The following IL17RD variants were observed in gnomAD, a reference collection of about 807,000 sequenced individuals.
The protein encoded by IL17RD is interleukin-17 receptor D.
Under a neutral mutation model 80.5 loss-of-function variants are expected in IL17RD, and 52 were observed. The observed-to-expected ratio is 0.65, with a 90% CI of 0.52 to 0.81. The LOEUF (loss-of-function observed/expected upper bound fraction) is 0.81, where lower values mean the gene tolerates loss of function less well. Ranked by LOEUF, IL17RD falls within the 40% of genes least tolerant of loss-of-function variation. The pLI, the probability that IL17RD is intolerant of heterozygous loss-of-function variation, is 0.00. For missense variants in IL17RD, 1,024 were observed against 955.1 expected, an observed-to-expected ratio of 1.07 and a Z score of -0.95; for synonymous variants, 416 against 391.8, an observed-to-expected ratio of 1.06 and a Z score of -0.73.
chr3:57,140,635 A>G (rs1215876180), intron 1 of IL17RD, among the ~76,000 whole-genome samples: 1 of 152,186 alleles, frequency 6.6e-6, no homozygotes, highest in Non-Finnish European at 1.5e-5. Context: ...TTAGTGGGTC[A>G]GTTTTGGCAT....
intron 1 of IL17RD, among the ~76,000 whole-genome samples, chr3:57,149,679 G>A (rs2107534969): frequency 6.6e-6 from 1 of 152,340 alleles, no homozygotes; most frequent in South Asian, 2.1e-4. Flanking sequence ...GTGGTTGATG[G>A]TTACTGAATT....
chr3:57,096,462 A>C lies in IL17RD; in HGVS notation c.2151T>G (p.Ser717=), dbSNP rs1417935559. Residue 717 remains serine, a synonymous_variant, in exon 13 of 13, where the codon TCT becomes TCG. Transcript: ENST00000296318. ...AACCAAGATCTGCTTTGCATGACCC[A>C]GAAGAGAGGAGCTTGGAAGGAAGGG... is the stretch of plus-strand genomic sequence containing the variant. ...PPALPSKLLS[S]GSCKADLGCR... 2.5e-6 allele frequency: 4 copies of C among 1,613,992 alleles called. No homozygotes were observed. In the Admixed American group the frequency reaches 6.7e-5, roughly 27 times the overall value.
chr3:57,106,935 C>G (rs35620988), intron 5 of IL17RD, among the ~76,000 whole-genome samples: 1 of 152,098 alleles, frequency 6.6e-6, no homozygotes, highest in African/African-American at 2.4e-5. Flanking sequence ...TCTATGCCAA[C>G]GGGAAAAATT....
upstream of IL17RD, among the ~76,000 whole-genome samples, chr3:57,165,581 C>CT (rs1188457585): frequency 2.0e-5 from 3 of 150,420 alleles, no homozygotes; most frequent in Non-Finnish European, 4.4e-5. Flanking sequence ...CTTAGTAGAT[C>CT]TTTTTTTAAT....
intron 3 of IL17RD, 73 bp from the exon 4 acceptor site, chr3:57,110,384 T>C (rs1325534636): frequency 6.8e-7 from 1 of 1,469,742 alleles, no homozygotes; most frequent in Non-Finnish European, 9.3e-7. Flanking sequence ...CCTCCAAGAT[T>C]ACCATCTTCT....
intron 1 of IL17RD, among the ~76,000 whole-genome samples, chr3:57,157,248 G>A (rs1033992526): frequency 3.3e-5 from 5 of 152,162 alleles, no homozygotes; most frequent in Non-Finnish European, 5.9e-5. Context: ...TGCTTTTCAC[G>A]GGGGCAGTTC....
Position 57,105,921 on chromosome 3 carries a change from C to T in IL17RD, c.683G>A (p.Arg228His), listed in dbSNP as rs762185081. 4.5e-5 allele frequency: 72 copies of T among 1,613,740 alleles called. No homozygotes were observed. In the East Asian group the frequency reaches 6.2e-4, roughly 14 times the overall value. ...GAGCTTGTAGTGAAGATAGAAGAAA[C>T]GGAAGCCGAAGTTGTGCGGTGCATG... ...FDHAPHNFGFRFFYLHYKLKH... is the reference protein window; with the variant it reads ...FDHAPHNFGFHFFYLHYKLKH... The change falls in exon 7 of 13, where the codon CGT becomes CAT. Residue 228 changes from arginine to histidine, a missense_variant. By Grantham distance (29) the Arg-to-His change is conservative. Coordinates refer to ENST00000296318, the MANE Select transcript of IL17RD (RefSeq NM_017563.5).
chr3:57,134,638 A>G, intron 1 of IL17RD: 1 of 777,536 alleles, frequency 1.3e-6, no homozygotes. Flanking sequence ...AAGACCAAGG[A>G]AGCACGCAAG....
rs1707237386 is a variant in IL17RD at position 57,117,239 on chromosome 3, G to A, written c.185-2422C>T. 2.0e-5 allele frequency among the ~76,000 whole-genome samples: 3 copies of A among 151,484 alleles called. No individual in the cohort carries two copies. The South Asian group carries it at 6.2e-4, about 31-fold the overall frequency. ...AGCAATTCTCCTGTCTCAGCCTCCT[G>A]AGTAGCTGGGACTACAGGCACATGC... On this transcript the variant is annotated intron_variant, in intron 2 of 12. Transcript: ENST00000296318.
chr3:57,109,539 C>G lies in IL17RD; in HGVS notation c.548G>C (p.Arg183Pro). ...CAGGCAGGAAAGGCCATACTCACCT[C>G]GGGTTCTAAAGAAGAAAGGGTGGTA... ...SNYHPFFFRT[R>P]ACDLLLQPDN... Residue 183 changes from arginine to proline, a missense_variant and splice_region_variant, in exon 5 of 13, where the codon CGA becomes CCA. Coordinates refer to ENST00000296318, the MANE Select transcript of IL17RD (RefSeq NM_017563.5). The G allele has an allele frequency of 6.2e-7, 1 of 1,613,278 alleles. No individual in the cohort carries two copies.
chr3:57,150,134 C>T (rs1708024641), intron 1 of IL17RD, among the ~76,000 whole-genome samples: 1 of 152,158 alleles, frequency 6.6e-6, no homozygotes, highest in African/African-American at 2.4e-5. Context: ...CTGGAAATCC[C>T]ACTTAAGCAG....
chr3:57,105,349 G>A (rs1227598743), intron 7 of IL17RD, among the ~76,000 whole-genome samples: 1 of 151,408 alleles, frequency 6.6e-6, no homozygotes, highest in Non-Finnish European at 1.5e-5. Context: ...ACCAGCCTGG[G>A]CAACATGGTG....
intron 1 of IL17RD, among the ~76,000 whole-genome samples, chr3:57,151,897 T>C (rs1016841236): frequency 3.3e-5 from 5 of 152,054 alleles, no homozygotes; most frequent in Admixed American, 6.5e-5. Flanking sequence ...ATCCCCCAAA[T>C]TCCCCCAATC....
chr3:57,164,841 C>A, intron 1 of IL17RD: 1 of 1,067,078 alleles, frequency 9.4e-7, no homozygotes, highest in South Asian at 2.3e-5. Flanking sequence ...AGGTCCCGGG[C>A]CAAGAACAAA....
intron 3 of IL17RD, 119 bp from the exon 4 acceptor site, chr3:57,110,430 TG>T: frequency 8.9e-7 from 1 of 1,125,742 alleles, no homozygotes; most frequent in South Asian, 1.4e-5. Context: ...ATTCTAACTG[TG>T]GCCAGGGTAT....
chr3:57,129,896 G>T (rs1559478358), intron 1 of IL17RD, among the ~76,000 whole-genome samples: 1 of 152,136 alleles, frequency 6.6e-6, no homozygotes, highest in Admixed American at 6.5e-5. Context: ...AAGGAGACAG[G>T]CTTCAAGCAT....
rs780125984 is a variant in IL17RD, at chr3:57,097,733, T to C, written c.1970A>G (p.Asp657Gly). The change falls in exon 12 of 13, where the codon GAC becomes GGC. Residue 657 changes from aspartate to glycine, a missense_variant. Transcript: ENST00000296318. ...LHTVKAGSPS[D>G]MPRDSGIYDS... is the part of the protein sequence containing the mutation. ...ATAGATGCCTGAGTCCCGCGGCATG[T>C]CCGAGGGGCTGCCGGCTTTCACCGT... 6.2e-7 allele frequency: 1 copy of C among 1,602,596 alleles called. No individual in the cohort carries two copies. The highest frequency in any genetic ancestry group is 8.5e-7 in the Non-Finnish European group (1 of 1,173,744).
At chr3:57,110,381 G>A in intron 3 of IL17RD, 70 bp from the exon 4 acceptor site, 3 of 1,484,446 alleles carry the variant, frequency 2.0e-6, no homozygotes, top group Non-Finnish European at 2.7e-6. Context: ...CTTCCTCCAA[G>A]ATTACCATCT....
chr3:57,148,095 G>C (rs972181386), intron 1 of IL17RD, among the ~76,000 whole-genome samples: 6 of 117,758 alleles, frequency 5.1e-5, no homozygotes, highest in South Asian at 7.9e-4. Flanking sequence ...GGTTGGGGGG[G>C]GGGGGGGGGC....
Sources: allele counts gnomAD v4.1 joint callset (sites outside exome capture counted in the v4.1 genomes callset), GRCh38; gene constraint gnomAD v4.1.1; transcripts MANE v1.5; gene names NCBI Gene and HGNC (gene_info 2026-07-23, HGNC 2026-07-21).